MAP2K1: variants seen among roughly 807,000 people sequenced by gnomAD.
MAP2K1 encodes the protein mitogen-activated protein kinase kinase 1, also known as dual specificity mitogen-activated protein kinase kinase 1.
In MAP2K1, 16 loss-of-function variants were observed where a neutral mutation model predicts 46.3. The ratio of observed to expected loss-of-function variants is 0.35; its 90% confidence interval spans 0.23 to 0.52. The LOEUF is 0.52. Among genes scored for constraint, MAP2K1 ranks in the 20% least tolerant of loss-of-function variants. MAP2K1 has a pLI of 0.94. For synonymous variants in MAP2K1, 183 were observed against 185.6 expected, an observed-to-expected ratio of 0.99 and a Z score of 0.11; for missense variants, 263 against 497.1, an observed-to-expected ratio of 0.53 and a Z score of 4.48.
chr15:66,418,638 C>T (rs2093430025), intron 1 of MAP2K1, among the ~76,000 whole-genome samples: 1 of 152,052 alleles, frequency 6.6e-6, no homozygotes, highest in African/African-American at 2.4e-5. Flanking sequence ...AGACCCAGGG[C>T]TCCCTTTGTT....
chr15:66,434,960 T>G lies in MAP2K1; in HGVS notation c.81-67T>G, dbSNP rs1297306183. 9.8e-6 allele frequency: 10 copies of G among 1,020,836 alleles called. No individual in the cohort carries two copies. The East Asian group carries it at 2.1e-4, about 22-fold the overall frequency. 63.2% of individuals were successfully genotyped at this position (1,020,836 alleles called of 1,614,324 possible). On this transcript the variant is annotated intron_variant, in intron 1 of 10. Coordinates refer to ENST00000307102, the MANE Select transcript of MAP2K1 (RefSeq NM_002755.4). ...CAGACCTGGAGCTTTCTTTCCATGATAGGAGTACTTCTTTGGGTTGACTTC... is the reference window on the plus strand; with the variant it reads ...CAGACCTGGAGCTTTCTTTCCATGAGAGGAGTACTTCTTTGGGTTGACTTC...
At chr15:66,407,879 G>A (rs2093401715) in intron 1 of MAP2K1, among the ~76,000 whole-genome samples, 1 of 152,194 alleles carries the variant, frequency 6.6e-6, no homozygotes, top group Non-Finnish European at 1.5e-5. Context: ...ACCAAAGTAA[G>A]GTTAAGAGAA....
chr15:66,486,423 TTC>T (rs1381640609), intron 7 of MAP2K1, among the ~76,000 whole-genome samples: 19 of 152,310 alleles, frequency 1.2e-4, no homozygotes, highest in Admixed American at 4.6e-4. Flanking sequence ...CTAATCTACT[TTC>T]TGTGTCCACG....
At chr15:66,425,676 AG>A (rs2093456268) in intron 1 of MAP2K1, among the ~76,000 whole-genome samples, 1 of 152,206 alleles carries the variant, frequency 6.6e-6, no homozygotes, top group Non-Finnish European at 1.5e-5. Context: ...TACAACTACA[AG>A]GGTATCTACA....
intron 1 of MAP2K1, among the ~76,000 whole-genome samples, chr15:66,388,904 CT>C (rs72328500): frequency 0.24 from 26,818 of 111,416 alleles, 1,841 homozygotes; most frequent in South Asian, 0.32. Flanking sequence ...AACATTTGTT[CT>C]TTTTTTTTTT....
At chr15:66,463,438 C>T (rs948288869) in intron 5 of MAP2K1, among the ~76,000 whole-genome samples, 1 of 152,210 alleles carries the variant, frequency 6.6e-6, no homozygotes, top group Non-Finnish European at 1.5e-5. Context: ...GACACAGCCT[C>T]AGGAGGTCCT....
At chr15:66,453,562 G>C in intron 5 of MAP2K1, 1 of 702,316 alleles carries the variant, frequency 1.4e-6, no homozygotes, top group Middle Eastern at 2.3e-4. Flanking sequence ...GTGATTCCTG[G>C]AAACCTGAGT....
At chr15:66,405,114 T>G (rs1228909646) in intron 1 of MAP2K1, among the ~76,000 whole-genome samples, 3 of 152,320 alleles carry the variant, frequency 2.0e-5, no homozygotes, top group Non-Finnish European at 1.5e-5. Context: ...AAGGTCATAG[T>G]ATTCTATTTT....
chr15:66,434,889 A>G (rs2093483536), intron 1 of MAP2K1, 138 bp from the exon 2 acceptor site: 2 of 728,334 alleles, frequency 2.7e-6, no homozygotes, highest in Non-Finnish European at 5.0e-6. Flanking sequence ...CCACAGTGGG[A>G]GGGGGCCTCC....
intron 1 of MAP2K1, among the ~76,000 whole-genome samples, chr15:66,416,487 GC>G (rs1419522552): frequency 2.0e-5 from 3 of 152,038 alleles, no homozygotes; most frequent in Non-Finnish European, 2.9e-5. Context: ...TAGTAAATCT[GC>G]ATTGTATTTT....
intron 1 of MAP2K1, among the ~76,000 whole-genome samples, chr15:66,399,431 G>T (rs933434209): frequency 1.3e-5 from 2 of 151,666 alleles, no homozygotes; most frequent in African/African-American, 4.8e-5. Flanking sequence ...CACATTAAAT[G>T]CAATCTCTCC....
chr15:66,481,398 T>C (rs1400658039), intron 5 of MAP2K1, among the ~76,000 whole-genome samples: 2 of 152,198 alleles, frequency 1.3e-5, no homozygotes, highest in Non-Finnish European at 2.9e-5. Context: ...ATAGATACTA[T>C]ATCTTACCAG....
chr15:66,487,363 G>A, intron 8 of MAP2K1, 71 bp downstream of exon 8: 5 of 1,429,236 alleles, frequency 3.5e-6, no homozygotes, highest in Non-Finnish European at 4.9e-6. Context: ...AGGTGGCCGG[G>A]TGCAGTGGTT....
intron 5 of MAP2K1, among the ~76,000 whole-genome samples, chr15:66,456,670 G>T (rs1253134116): frequency 1.3e-5 from 2 of 152,186 alleles, no homozygotes; most frequent in Non-Finnish European, 2.9e-5. Context: ...TTGGCAGACT[G>T]CCTCTGCTTG....
chr15:66,392,053 G>A (rs2093357113), intron 1 of MAP2K1, among the ~76,000 whole-genome samples: 1 of 152,008 alleles, frequency 6.6e-6, no homozygotes, highest in African/African-American at 2.4e-5. Context: ...TCGAGGCATC[G>A]TCTCTCAAGT....
At chr15:66,443,725 T>C (rs1348684823) in intron 4 of MAP2K1, among the ~76,000 whole-genome samples, 2 of 151,834 alleles carry the variant, frequency 1.3e-5, no homozygotes, top group Admixed American at 6.6e-5. Flanking sequence ...TAAAAATAAA[T>C]AGCTGGGCGT....
chr15:66,487,941 C>G (rs1250196594), intron 8 of MAP2K1, among the ~76,000 whole-genome samples: 1 of 152,182 alleles, frequency 6.6e-6, no homozygotes, highest in Non-Finnish European at 1.5e-5. Context: ...ATTTCCCATG[C>G]AATTCTCCCA....
intron 1 of MAP2K1, among the ~76,000 whole-genome samples, chr15:66,407,042 G>C (rs994952547): frequency 6.6e-6 from 1 of 152,088 alleles, no homozygotes; most frequent in Non-Finnish European, 1.5e-5. Flanking sequence ...CAGCTGGAAG[G>C]GGTCCCCAGG....
chr15:66,440,865 C>T (rs183027291), intron 3 of MAP2K1, among the ~76,000 whole-genome samples: 6 of 152,262 alleles, frequency 3.9e-5, no homozygotes, highest in Non-Finnish European at 7.3e-5. Context: ...CTGGTGTATG[C>T]CCCTTACATT....
Sources: gnomAD v4.1 joint callset for allele counts (sites outside exome capture counted in the v4.1 genomes callset) on GRCh38, gnomAD v4.1.1 for gene constraint, MANE v1.5 for transcripts, NCBI Gene and HGNC (gene_info 2026-07-23, HGNC 2026-07-21) for gene names.